The following OSBPL10 variants were observed in gnomAD, a reference collection of about 807,000 sequenced individuals.
The protein encoded by OSBPL10 is oxysterol binding protein like 10.
A neutral mutation model predicts 81.7 loss-of-function variants in OSBPL10; 49 were observed. The ratio of observed to expected loss-of-function variants is 0.60; its 90% CI spans 0.48 to 0.76. The LOEUF is 0.76. Ranked by LOEUF, OSBPL10 falls within the 30% of genes least tolerant of loss-of-function variation. The pLI is 0.00. For missense variants in OSBPL10, 923 were observed against 987.8 expected (o/e 0.93, Z 0.88); for synonymous variants, 419 against 383.6 (o/e 1.09, Z -1.08).
intron 6 of OSBPL10, among the ~76,000 whole-genome samples, chr3:31,724,875 C>T (rs1485389065): frequency 6.6e-6 from 1 of 152,116 alleles, no homozygotes; most frequent in Non-Finnish European, 1.5e-5. Context: ...AGCTCTTAAC[C>T]ACAGGAGGCA....
At chr3:31,737,051 G>C (rs1697196771) in intron 5 of OSBPL10, among the ~76,000 whole-genome samples, 1 of 152,210 alleles carries the variant, frequency 6.6e-6, no homozygotes, top group African/African-American at 2.4e-5. Flanking sequence ...AGAGCAAGAA[G>C]TGGAGTCTGA....
intron 1 of OSBPL10, among the ~76,000 whole-genome samples, chr3:32,075,714 G>A (rs552867459): frequency 1.3e-5 from 2 of 152,094 alleles, no homozygotes; most frequent in Admixed American, 1.3e-4. Context: ...AAAATTTTTT[G>A]CCGCTCCAAC....
chr3:31,950,224 G>A (rs892893355), intron 1 of OSBPL10, among the ~76,000 whole-genome samples: 1 of 152,016 alleles, frequency 6.6e-6, no homozygotes, highest in Non-Finnish European at 1.5e-5. Context: ...ATCCAACAAA[G>A]GATAAGTATG....
chr3:31,889,186 T>C (rs1178636863), intron 1 of OSBPL10, among the ~76,000 whole-genome samples: 1 of 152,120 alleles, frequency 6.6e-6, no homozygotes, highest in African/African-American at 2.4e-5. Context: ...AAGGGAACTC[T>C]TATACACTAT....
At chr3:31,675,772 C>G (rs2125527112) in intron 8 of OSBPL10, among the ~76,000 whole-genome samples, 2 of 152,028 alleles carry the variant, frequency 1.3e-5, no homozygotes, top group African/African-American at 4.8e-5. Context: ...GGTAAAACCC[C>G]CATCTCTACT....
In OSBPL10 at chr3:31,965,115, C is replaced by G. The variant is rs1028151364; in HGVS notation, c.281+15784G>C. 3.3e-5 allele frequency among the ~76,000 whole-genome samples: 5 copies of G among 151,646 alleles called. No homozygotes were observed. The East Asian group carries it at 9.7e-4, about 29-fold the overall frequency. ...CCTTAAAAAATGTAGGCCAGGCGGC[C>G]GGGGCGCACTTTGGGAGGCCAAGGT... On this transcript the variant is annotated intron_variant, in intron 1 of 11. Coordinates refer to ENST00000396556, the MANE Select transcript of OSBPL10 (RefSeq NM_017784.5).
chr3:31,930,003 C>CAAACAAAAAAAAA lies in OSBPL10; in HGVS notation c.282-50174_282-50173insTTTTTTTTTGTTT, dbSNP rs1306473764. On this transcript the variant is annotated intron_variant, in intron 1 of 11. Coordinates refer to ENST00000396556, the MANE Select transcript of OSBPL10 (RefSeq NM_017784.5). Reference sequence around the variant, plus strand: ...GATCAAGTGAGACCCTGTCACCAACCAAAAAAAAAAAAAAAAAAAAAAACA... The same window carrying CAAACAAAAAAAAA: ...GATCAAGTGAGACCCTGTCACCAACCAAACAAAAAAAAAAAAAAAAAAAAAAAAAAAAAAAACA... Among the ~76,000 whole-genome samples the CAAACAAAAAAAAA allele has an allele frequency of 1.6e-3, 113 of 72,504 alleles. 21 individuals carry two copies. Among genetic ancestry groups the CAAACAAAAAAAAA allele is most frequent in the Non-Finnish European group, 2.2e-3 (85 of 38,384 alleles). The allele number at this position is 72,504 out of a possible 152,430, so 47.6% of individuals were successfully genotyped here.
At chr3:31,920,393 G>C (rs1341227193) in intron 1 of OSBPL10, among the ~76,000 whole-genome samples, 1 of 152,150 alleles carries the variant, frequency 6.6e-6, no homozygotes, top group Non-Finnish European at 1.5e-5. Context: ...ACAAATGTAG[G>C]AAACAACCTT....
Position 31,684,100 on chromosome 3 carries a change from G to A in OSBPL10, c.1260C>T (p.Thr420=), listed in dbSNP as rs1700730938. Residue 420 remains threonine, a synonymous_variant, in exon 8 of 12, where the codon ACC becomes ACT. Coordinates refer to ENST00000396556, the MANE Select transcript of OSBPL10 (RefSeq NM_017784.5). ...GCAAAGATCGCTTCTCCAGGATAAAGGTGGGAAGCACCACCTGCATTTGGA... is the reference window on the plus strand; with the variant it reads ...GCAAAGATCGCTTCTCCAGGATAAAAGTGGGAAGCACCACCTGCATTTGGA... ...GMDLTKVVLP[T]FILEKRSLLE... 1 of 1,612,800 alleles carries A rather than the reference G, an allele frequency of 6.2e-7. No individual in the cohort carries two copies. The highest frequency in any genetic ancestry group is 8.5e-7 in the Non-Finnish European group (1 of 1,178,970).
At chr3:31,792,858 C>CTGTGTGTGTG (rs1491358894) in intron 4 of OSBPL10, among the ~76,000 whole-genome samples, 2 of 85,952 alleles carry the variant, frequency 2.3e-5, no homozygotes, top group Non-Finnish European at 4.8e-5. Flanking sequence ...TATCTAGGCA[C>CTGTGTGTGTG]TCTGTGTGTG....
chr3:32,002,979 C>A, intron 2 of OSBPL10, among the ~76,000 whole-genome samples: 1 of 152,118 alleles, frequency 6.6e-6, no homozygotes, highest in East Asian at 1.9e-4. Context: ...ATTTAGACTT[C>A]ATTTAGGTCA....
chr3:31,919,020 A>T (rs1459032268), intron 1 of OSBPL10, among the ~76,000 whole-genome samples: 2 of 152,088 alleles, frequency 1.3e-5, no homozygotes, highest in African/African-American at 2.4e-5. Flanking sequence ...CCCCAGTCAC[A>T]CCCTATGTCA....
At chr3:31,849,209 A>G (rs1230732157) in intron 3 of OSBPL10, among the ~76,000 whole-genome samples, 2 of 152,254 alleles carry the variant, frequency 1.3e-5, no homozygotes, top group African/African-American at 4.8e-5. Context: ...CCACTGATCA[A>G]ATGAGCCTGC....
At chr3:32,016,604 A>C (rs996089219) in intron 2 of OSBPL10, among the ~76,000 whole-genome samples, 1 of 152,208 alleles carries the variant, frequency 6.6e-6, no homozygotes, top group Non-Finnish European at 1.5e-5. Flanking sequence ...ATTTAGAAAA[A>C]AATAAAAGGG....
chr3:31,992,382 G>A (rs181628362), intron 2 of OSBPL10, among the ~76,000 whole-genome samples: 17 of 152,114 alleles, frequency 1.1e-4, no homozygotes, highest in Non-Finnish European at 1.6e-4. Context: ...TTATTTTACC[G>A]TTCTGGCAGT....
chr3:31,675,819 A>T (rs1316427685), intron 8 of OSBPL10, among the ~76,000 whole-genome samples: 1 of 151,684 alleles, frequency 6.6e-6, no homozygotes, highest in Non-Finnish European at 1.5e-5. Context: ...GGTGGCGGGC[A>T]CCTGTAGTCC....
rs190308176 is a variant in OSBPL10 at position 31,966,515 on chromosome 3, G to A, written c.281+14384C>T. ...AAACAAAAAGTTGATTCTTAGAAAAGATCAATAAATTGACTGACCTCTAGC... is the reference window on the plus strand; with the variant it reads ...AAACAAAAAGTTGATTCTTAGAAAAAATCAATAAATTGACTGACCTCTAGC... On this transcript the variant is annotated intron_variant, in intron 1 of 11. Coordinates refer to ENST00000396556, the MANE Select transcript of OSBPL10 (RefSeq NM_017784.5). Among the ~76,000 whole-genome samples, 323 of 151,786 alleles carry A rather than the reference G, an allele frequency of 2.1e-3. 2 individuals carry two copies. The highest frequency in any genetic ancestry group is 1.0e-2 in the South Asian group (48 of 4,810).
At chr3:31,791,475 G>A (rs1699008406) in intron 4 of OSBPL10, among the ~76,000 whole-genome samples, 1 of 152,148 alleles carries the variant, frequency 6.6e-6, no homozygotes, top group African/African-American at 2.4e-5. Context: ...TGATAGCCTT[G>A]CATCATTTTT....
In OSBPL10 at chr3:31,936,285, C is replaced by T. The variant is rs187815357; in HGVS notation, c.281+44614G>A. 6.3e-4 allele frequency among the ~76,000 whole-genome samples: 96 copies of T among 152,264 alleles called. 1 individual carries two copies. The highest frequency in any genetic ancestry group is 2.9e-5 in the Non-Finnish European group (2 of 68,028). On this transcript the variant is annotated intron_variant, in intron 1 of 11. Coordinates refer to ENST00000396556, the MANE Select transcript of OSBPL10 (RefSeq NM_017784.5). ...TTTCTTAAAATACTACCAAAACAAC[C>T]TAGGGCTTAGCATTTATTTACTGAG... is the stretch of plus-strand genomic sequence containing the variant.
Sources: gnomAD v4.1 joint callset for allele counts (sites outside exome capture counted in the v4.1 genomes callset) on GRCh38, gnomAD v4.1.1 for gene constraint, MANE v1.5 for transcripts, NCBI Gene and HGNC (gene_info 2026-07-23, HGNC 2026-07-21) for gene names.